UNC80: variants seen among roughly 807,000 people sequenced by gnomAD.
The protein encoded by UNC80 is unc-80 subunit of NALCN channel complex.
Under a neutral mutation model 384.6 loss-of-function variants are expected in UNC80, and 164 were observed. The ratio of observed to expected loss-of-function variants is 0.43; its 90% CI spans 0.38 to 0.49. The LOEUF is 0.49. Ranked by LOEUF, UNC80 falls within the 20% of genes least tolerant of loss-of-function variation. The pLI is 0.00. For synonymous variants in UNC80, 1,486 were observed against 1,527.8 expected, an observed-to-expected ratio of 0.97 and a Z score of 0.64; for missense variants, 3,330 against 4,143.0, an observed-to-expected ratio of 0.80 and a Z score of 5.39.
rs569886991 is a variant in UNC80 at position 209,920,859 on chromosome 2, G to A, written c.5344-641G>A. 1.1e-4 allele frequency among the ~76,000 whole-genome samples: 16 copies of A among 147,884 alleles called. No homozygotes were observed. In the South Asian group the frequency reaches 2.8e-3, roughly 26 times the overall value. On this transcript the variant is annotated intron_variant, in intron 33 of 64. Coordinates refer to ENST00000673920, the MANE Select transcript of UNC80 (RefSeq NM_001371986.1). ...TTTTTTTTTTTTGAGACAGGGTCTC[G>A]CTCTGTTGCCCAGGCTGGAGCGCAG...
At chr2:209,926,464 G>A (rs1311234798) in intron 35 of UNC80, among the ~76,000 whole-genome samples, 1 of 152,158 alleles carries the variant, frequency 6.6e-6, no homozygotes, top group Admixed American at 6.5e-5. Flanking sequence ...GCCTTGAACT[G>A]AGAAATGTTG....
chr2:209,845,849 A>G (rs557609024), intron 21 of UNC80, among the ~76,000 whole-genome samples: 78 of 152,264 alleles, frequency 5.1e-4, no homozygotes, highest in Non-Finnish European at 2.1e-4. Context: ...TGTATTTTGC[A>G]ACAACTACTG....
intron 16 of UNC80, among the ~76,000 whole-genome samples, chr2:209,833,731 C>A (rs990862789): frequency 6.6e-6 from 1 of 152,168 alleles, no homozygotes; most frequent in Admixed American, 6.5e-5. Context: ...AAATTAATGT[C>A]TTTCTAATGA....
intron 22 of UNC80, among the ~76,000 whole-genome samples, chr2:209,863,512 C>T (rs2083487617): frequency 6.6e-6 from 1 of 152,046 alleles, no homozygotes; most frequent in Non-Finnish European, 1.5e-5. Context: ...TCCCATATTT[C>T]TTGGAGGCTT....
intron 59 of UNC80, among the ~76,000 whole-genome samples, chr2:209,981,215 T>G (rs2093148858): frequency 6.6e-6 from 1 of 152,228 alleles, no homozygotes; most frequent in African/African-American, 2.4e-5. Context: ...CATTAGCTCA[T>G]TTAGAATTAA....
Position 209,786,106 on chromosome 2 carries a change from T to C in UNC80, c.641T>C (p.Ile214Thr). ...TTCCGTCTGGCCAGTGGGCTTGTTATATGGCAGCCCATGTGGGAACACAGA... is the reference window on the plus strand; with the variant it reads ...TTCCGTCTGGCCAGTGGGCTTGTTACATGGCAGCCCATGTGGGAACACAGA... ...LTFRLASGLV[I>T]WQPMWEHRQP... The change falls in exon 5 of 65, where the codon ATA becomes ACA. Residue 214 changes from isoleucine (I) to threonine (T), a missense_variant. Transcript: ENST00000673920. 6.2e-7 allele frequency: 1 copy of C among 1,614,104 alleles called. No individual in the cohort carries two copies. The highest frequency in any genetic ancestry group is 8.5e-7 in the Non-Finnish European group (1 of 1,179,970).
At chr2:209,930,792 A>C (rs2090797259) in intron 37 of UNC80, among the ~76,000 whole-genome samples, 176 bp from the exon 38 acceptor site, 1 of 152,214 alleles carries the variant, frequency 6.6e-6, no homozygotes, top group Admixed American at 6.5e-5. Context: ...AGATGGTTTA[A>C]ATACTACTTA....
Position 209,771,847 on chromosome 2 carries a change from C to A in UNC80, c.-226C>A, listed in dbSNP as rs575996064. ...GCGGACCGCTGCTCCGAGCGCCCCC[C>A]TCCTCGCTCCGCGGCTCCTCCAGCC... On this transcript the variant is annotated 5_prime_UTR_variant, in exon 1 of 65. Transcript: ENST00000673920. The A allele has an allele frequency of 1.8e-6, 1 of 542,602 alleles. No individual in the cohort carries two copies. The highest frequency in any genetic ancestry group is 3.2e-5 in the Admixed American group (1 of 31,360). 33.6% of individuals were successfully genotyped at this position (542,602 alleles called of 1,614,324 possible).
intron 45 of UNC80, among the ~76,000 whole-genome samples, chr2:209,943,993 G>C (rs1370179810): frequency 6.6e-6 from 1 of 152,150 alleles, no homozygotes; most frequent in Non-Finnish European, 1.5e-5. Flanking sequence ...TCCTGAGCAG[G>C]TTGTTGCAGG....
At chr2:209,856,761 CTTATTTATTTATTTATTTAT>C (rs140456629) in intron 22 of UNC80, among the ~76,000 whole-genome samples, 3 of 149,678 alleles carry the variant, frequency 2.0e-5, no homozygotes, top group African/African-American at 7.4e-5. Flanking sequence ...TTTTTGTTTA[CTTATTTATTTATTTATTTAT>C]TTATTTATTT....
intron 4 of UNC80, among the ~76,000 whole-genome samples, chr2:209,780,612 C>T (rs1266816166): frequency 6.6e-6 from 1 of 152,196 alleles, no homozygotes; most frequent in African/African-American, 2.4e-5. Flanking sequence ...CTCTGGCCTC[C>T]ATCCATTAGA....
chr2:209,949,911 TTGATCTCCCAGACTCGAG>T (rs2092088037), intron 47 of UNC80, among the ~76,000 whole-genome samples: 1 of 152,108 alleles, frequency 6.6e-6, no homozygotes, highest in Admixed American at 6.6e-5. Flanking sequence ...CACTGCAGCC[TTGATCTCCCAGACTCGAG>T]CAATCCTCCC....
In UNC80 at chr2:209,976,040, A is replaced by G; in HGVS notation, c.8588-79A>G. ...AAATTTAGAAAATTTCTAAAGGTGC[A>G]TAAAGGGCTCTGGATGTAGGTTGGG... On this transcript the variant is annotated intron_variant, in intron 56 of 64. Transcript: ENST00000673920. The surrounding 1 kb of genome is among the most constrained non-coding windows in gnomAD (Gnocchi z 4.3). The G allele has an allele frequency of 7.0e-7, 1 of 1,431,280 alleles. No individual in the cohort carries two copies. Among genetic ancestry groups the G allele is most frequent in the Non-Finnish European group, 9.3e-7 (1 of 1,080,362 alleles). 88.7% of individuals were successfully genotyped at this position (1,431,280 alleles called of 1,614,324 possible).
intron 22 of UNC80, among the ~76,000 whole-genome samples, chr2:209,850,319 C>T (rs1255138034): frequency 6.6e-6 from 1 of 152,058 alleles, no homozygotes; most frequent in Non-Finnish European, 1.5e-5. Context: ...GATGCATAAA[C>T]ACTGGGTACA....
chr2:209,815,490 G>A lies in UNC80; in HGVS notation c.1335+99G>A, dbSNP rs1574567785. The A allele has an allele frequency of 2.2e-6, 3 of 1,341,366 alleles. No homozygotes were observed. In the South Asian group the frequency reaches 4.4e-5, roughly 20 times the overall value. The allele number at this position is 1,341,366 out of a possible 1,614,324, so 83.1% of individuals were successfully genotyped here. On this transcript the variant is annotated intron_variant, in intron 9 of 64. Transcript: ENST00000673920. Reference sequence around the variant, plus strand: ...TGATACTGCAGTATGGGGTGAGGTGGGAAAGGGAACTTAGAAACCGAAGTC... The same window carrying A: ...TGATACTGCAGTATGGGGTGAGGTGAGAAAGGGAACTTAGAAACCGAAGTC...
rs1358804563 is a variant in UNC80 at position 209,997,133 on chromosome 2, A to G, written c.*1538A>G. On this transcript the variant is annotated 3_prime_UTR_variant, in exon 65 of 65. Coordinates refer to ENST00000673920, the MANE Select transcript of UNC80 (RefSeq NM_001371986.1). ...TTTATACTGTGGTTTATAATTTCAA[A>G]TATAACTTGGGGTTATGGTCCTATT... 2 of 152,320 alleles carry G rather than the reference A, an allele frequency of 1.3e-5. No individual in the cohort carries two copies. Among genetic ancestry groups the G allele is most frequent in the East Asian group, 1.9e-4 (1 of 5,188 alleles). The allele number at this position is 152,320 out of a possible 1,614,324, so 9.4% of individuals were successfully genotyped here.
At chr2:209,869,701 G>A (rs2084134488) in intron 22 of UNC80, among the ~76,000 whole-genome samples, 1 of 152,146 alleles carries the variant, frequency 6.6e-6, no homozygotes, top group Admixed American at 6.5e-5. Context: ...ACATGAATGG[G>A]TTTGGCTATT....
At chr2:209,862,900 C>G (rs771778872) in intron 22 of UNC80, among the ~76,000 whole-genome samples, 36 of 151,998 alleles carry the variant, frequency 2.4e-4, no homozygotes, top group Non-Finnish European at 4.4e-4. Context: ...TTTATTTGGA[C>G]ACTAGTTGAT....
chr2:209,878,578 T>A (rs996061218), intron 24 of UNC80, among the ~76,000 whole-genome samples: 9 of 152,172 alleles, frequency 5.9e-5, no homozygotes, highest in Admixed American at 5.2e-4. Flanking sequence ...CACTTAAATA[T>A]TAAAATATTC....
Sources: gnomAD v4.1 joint callset for allele counts (sites outside exome capture counted in the v4.1 genomes callset) on GRCh38, gnomAD v4.1.1 for gene constraint, Gnocchi (gnomAD v3.1) non-coding constraint, MANE v1.5 for transcripts, NCBI Gene and HGNC (gene_info 2026-07-23, HGNC 2026-07-21) for gene names.